CASP1: variants seen among roughly 807,000 people sequenced by gnomAD.
CASP1 encodes the protein caspase-1.
CASP1 carries 31 observed loss-of-function variants against 41.2 expected under a neutral mutation model. The ratio of observed to expected loss-of-function variants is 0.75; its 90% CI spans 0.57 to 1.02. The LOEUF is 1.02. CASP1 is among the 50% of genes least tolerant of loss of function. CASP1 has a pLI of 0.00. For missense variants in CASP1, 490 were observed against 495.7 expected, an observed-to-expected ratio of 0.99 and a Z score of 0.11; for synonymous variants, 163 against 166.5, an observed-to-expected ratio of 0.98 and a Z score of 0.16.
Position 105,026,314 on chromosome 11 carries a change from G to A in CASP1, c.1159C>T (p.Pro387Ser), listed in dbSNP as rs745845552. 1 of 1,611,848 alleles carries A rather than the reference G, an allele frequency of 6.2e-7. No homozygotes were observed. Among genetic ancestry groups the A allele is most frequent in the African/African-American group, 1.3e-5 (1 of 74,824 alleles). ...FEQPDGRAQM[P>S]TTERVTLTRC... ...GTCAAAGTCACTCTTTCAGTGGTGG[G>A]CATCTGCGCTCTACCATCTGGCTGC... The change falls in exon 9 of 9, where the codon CCC (proline) becomes TCC (serine). Residue 387 changes from proline to serine, a missense_variant. Pro to Ser is a moderately conservative substitution (Grantham distance 74). Coordinates refer to ENST00000533400, the MANE Select transcript of CASP1 (RefSeq NM_001257118.3).
At chr11:105,029,398 T>C in intron 6 of CASP1, 131 bp from the exon 7 acceptor site, 1 of 743,702 alleles carries the variant, frequency 1.3e-6, no homozygotes, top group Non-Finnish European at 2.2e-6. Flanking sequence ...GACACATGCA[T>C]TTCAGTTACA....
intron 3 of CASP1, 146 bp downstream of exon 3, chr11:105,032,918 C>T (rs1409423192): frequency 3.3e-6 from 2 of 604,258 alleles, no homozygotes; most frequent in Non-Finnish European, 2.9e-6. Context: ...ACAGTTTCTA[C>T]AAAAGCAGAA....
At position 105,026,015 on chromosome 11, in the gene CASP1, C is replaced by T; in HGVS notation, c.*243G>A. ...GCTGTATACTTACTGGTTTAGCATC[C>T]CTAATCCAAAAACCTATAATTTGAA... is the stretch of plus-strand genomic sequence containing the variant. On this transcript the variant is annotated 3_prime_UTR_variant, in exon 9 of 9. Transcript: ENST00000533400. 2.6e-6 allele frequency: 1 copy of T among 381,856 alleles called. No homozygotes were observed. The highest frequency in any genetic ancestry group is 4.7e-6 in the Non-Finnish European group (1 of 211,796). The allele number at this position is 381,856 out of a possible 1,614,324, so 23.7% of individuals were successfully genotyped here. A position where few individuals can be genotyped will look rare whatever the true frequency, so the allele number is the denominator to read the frequency against.
intron 3 of CASP1, among the ~76,000 whole-genome samples, chr11:105,032,492 G>T (rs1411327082): frequency 6.6e-6 from 1 of 152,068 alleles, no homozygotes; most frequent in Non-Finnish European, 1.5e-5. Flanking sequence ...CCTCTACATT[G>T]CTTTCAGATA....
At position 105,029,207 on chromosome 11, in the gene CASP1, G is replaced by T; in HGVS notation, c.923C>A (p.Pro308Gln). 1 of 1,612,824 alleles carries T rather than the reference G, an allele frequency of 6.2e-7. No individual in the cohort carries two copies. The highest frequency in any genetic ancestry group is 1.1e-5 in the South Asian group (1 of 91,056). ...SVGVSGNLSL[P>Q]TTEEFEDDAI... ...ATCATCCTCAAACTCTTCTGTAGTT[G>T]GTAAAGATAGGTTTCCAGAAACTCC... is the stretch of plus-strand genomic sequence containing the variant. The change falls in exon 7 of 9, where the codon CCA becomes CAA. Residue 308 changes from proline (P) to glutamine (Q), a missense_variant. Coordinates refer to ENST00000533400, the MANE Select transcript of CASP1 (RefSeq NM_001257118.3).
intron 7 of CASP1, among the ~76,000 whole-genome samples, chr11:105,027,412 T>C (rs930517031): frequency 6.6e-6 from 1 of 151,660 alleles, no homozygotes; most frequent in East Asian, 1.9e-4. Flanking sequence ...ATAAAAATCA[T>C]AAAACAGAAC....
intron 7 of CASP1, 41 bp downstream of exon 7, chr11:105,029,083 T>G (rs1863501024): frequency 6.3e-7 from 1 of 1,586,844 alleles, no homozygotes; most frequent in African/African-American, 1.4e-5. Context: ...CTTTTTCTAT[T>G]GATAGCCCCA....
chr11:105,030,654 G>T, intron 4 of CASP1, 151 bp from the exon 5 acceptor site: 1 of 631,098 alleles, frequency 1.6e-6, no homozygotes, highest in Non-Finnish European at 2.7e-6. Flanking sequence ...ATTGAATGCT[G>T]CTTCAAGAGT....
rs781781526 is a variant in CASP1, at chr11:105,026,059, C to T, written c.*199G>A. 7 of 445,592 alleles carry T rather than the reference C, an allele frequency of 1.6e-5. No individual in the cohort carries two copies. Among genetic ancestry groups the T allele is most frequent in the Non-Finnish European group, 2.8e-5 (7 of 250,230 alleles). 27.6% of individuals were successfully genotyped at this position (445,592 alleles called of 1,614,324 possible). On this transcript the variant is annotated 3_prime_UTR_variant, in exon 9 of 9. Transcript: ENST00000533400. ...ATTTGAAATGTTTCAATAAACATTT[C>T]CTTTGAATATCATGTGGGCGCTCAC...
chr11:105,028,564 CGAG>C, intron 7 of CASP1, among the ~76,000 whole-genome samples: 1 of 151,864 alleles, frequency 6.6e-6, no homozygotes, highest in Admixed American at 6.6e-5. Flanking sequence ...AAGGAAAGCC[CGAG>C]GAGGAACTAG....
chr11:105,035,148 C>A, upstream of CASP1: 1 of 1,613,956 alleles, frequency 6.2e-7, no homozygotes, highest in Non-Finnish European at 8.5e-7. Context: ...GTGACTGAAA[C>A]TGAAAGTATG....
intron 2 of CASP1, among the ~76,000 whole-genome samples, chr11:105,033,589 G>A (rs959177967): frequency 6.6e-6 from 1 of 152,130 alleles, no homozygotes; most frequent in Non-Finnish European, 1.5e-5. Context: ...GCAAGTGGAG[G>A]ATTTCCAGGC....
Position 105,030,394 on chromosome 11 carries a change from C to A in CASP1, c.563G>T (p.Gly188Val). Reference sequence around the variant, plus strand: ...CAGATTTTGTAGCAGCATTGTCATGCCTGTGATGTCAACCTCAGCTCCAGT... The same window carrying A: ...CAGATTTTGTAGCAGCATTGTCATGACTGTGATGTCAACCTCAGCTCCAGT... Reference protein sequence around the residue: ...RRTGAEVDITGMTMLLQNLGY... With the variant: ...RRTGAEVDITVMTMLLQNLGY... Residue 188 changes from glycine to valine, a missense_variant, in exon 5 of 9, where the codon GGC becomes GTC. Gly to Val is a moderately radical substitution (Grantham distance 109). Transcript: ENST00000533400. The A allele has an allele frequency of 6.2e-7, 1 of 1,613,602 alleles. No homozygotes were observed. The highest frequency in any genetic ancestry group is 8.5e-7 in the Non-Finnish European group (1 of 1,179,696).
chr11:105,030,017 T>C, intron 5 of CASP1, 118 bp from the exon 6 acceptor site: 1 of 812,302 alleles, frequency 1.2e-6, no homozygotes. Flanking sequence ...AACAACAGGG[T>C]GCCAAAAAAA....
chr11:105,036,683 A>G (rs1864035456), upstream of CASP1, among the ~76,000 whole-genome samples: 1 of 152,104 alleles, frequency 6.6e-6, no homozygotes, highest in East Asian at 1.9e-4. Context: ...TGGAACTGTG[A>G]GTCTATTAAA....
upstream of CASP1, chr11:105,035,306 G>T: frequency 1.4e-6 from 1 of 702,094 alleles, no homozygotes; most frequent in Non-Finnish European, 2.4e-6. Flanking sequence ...TTCTTCACCA[G>T]CCCTTGGATA....
chr11:105,027,003 G>C (rs1178312872), intron 7 of CASP1, 52 bp from the exon 8 acceptor site: 8 of 1,003,038 alleles, frequency 8.0e-6, no homozygotes, highest in Non-Finnish European at 1.3e-5. Flanking sequence ...CCTGAAGAAA[G>C]AGAAGAAACC....
rs557462109 is a variant in CASP1 at position 105,030,316 on chromosome 11, A to G, written c.627+14T>C. 4.2e-5 allele frequency: 67 copies of G among 1,603,976 alleles called. No homozygotes were observed. Among genetic ancestry groups the G allele is most frequent in the South Asian group, 2.6e-4 (23 of 90,180 alleles). ...AGGGCATAACCATTGTTTCTGTTGTATAATAGAACTTACCGAAGCAGTGAG... is the reference window on the plus strand; with the variant it reads ...AGGGCATAACCATTGTTTCTGTTGTGTAATAGAACTTACCGAAGCAGTGAG... On this transcript the variant is annotated intron_variant, in intron 5 of 8. Coordinates refer to ENST00000533400, the MANE Select transcript of CASP1 (RefSeq NM_001257118.3).
intron 8 of CASP1, 78 bp downstream of exon 8, chr11:105,026,764 T>A: frequency 1.2e-6 from 1 of 811,364 alleles, no homozygotes; most frequent in Admixed American, 1.8e-5. Context: ...CTTGTCTGGA[T>A]CTGCTTTCTA....
Sources: gnomAD v4.1 joint callset for allele counts (sites outside exome capture counted in the v4.1 genomes callset) on GRCh38, gnomAD v4.1.1 for gene constraint, MANE v1.5 for transcripts, NCBI Gene and HGNC (gene_info 2026-07-23, HGNC 2026-07-21) for gene names.